MED27: variants seen among roughly 807,000 people sequenced by gnomAD.
MED27 encodes the protein mediator of RNA polymerase II transcription subunit 27.
Under a neutral mutation model 38.2 loss-of-function variants are expected in MED27, and 30 were observed. The observed-to-expected ratio is 0.79, with a 90% CI of 0.59 to 1.07. MED27 has a LOEUF of 1.07. Ranked by LOEUF, MED27 falls within the 50% of genes least tolerant of loss-of-function variation. The pLI is 0.00. For synonymous variants in MED27, 122 were observed against 153.5 expected, an observed-to-expected ratio of 0.79 and a Z score of 1.52; for missense variants, 289 against 397.5, an observed-to-expected ratio of 0.73 and a Z score of 2.32.
rs139409777 is a variant in MED27, at chr9:131,908,916, C to T, written c.574-14924G>A. Reference sequence around the variant, plus strand: ...AGAACTTTAATAAAAGAATGCCTAACGTCCTGGGAATGCAGCCCAGAAGGT... The same window carrying T: ...AGAACTTTAATAAAAGAATGCCTAATGTCCTGGGAATGCAGCCCAGAAGGT... On this transcript the variant is annotated intron_variant, in intron 4 of 7. Transcript: ENST00000292035. 5.7e-3 allele frequency among the ~76,000 whole-genome samples: 871 copies of T among 151,622 alleles called. 5 individuals are homozygous for T. The highest frequency in any genetic ancestry group is 9.3e-3 in the Non-Finnish European group (630 of 67,888).
chr9:132,010,549 T>C (rs1432724965), intron 3 of MED27, among the ~76,000 whole-genome samples: 1 of 152,218 alleles, frequency 6.6e-6, no homozygotes, highest in Non-Finnish European at 1.5e-5. Context: ...CCCAAAGGAT[T>C]ATAAGTCATG....
intron 3 of MED27, among the ~76,000 whole-genome samples, chr9:131,975,788 C>T (rs540466394): frequency 4.6e-5 from 7 of 152,316 alleles, no homozygotes; most frequent in South Asian, 2.1e-4. Context: ...CAGGAACCCA[C>T]TAAAACTAAG....
At chr9:132,007,828 G>A (rs947104992) in intron 3 of MED27, among the ~76,000 whole-genome samples, 3 of 151,938 alleles carry the variant, frequency 2.0e-5, no homozygotes, top group Non-Finnish European at 4.4e-5. Context: ...CTTGGAGCAC[G>A]AATAGCTCAC....
chr9:132,061,068 T>G (rs1362479446), intron 2 of MED27, among the ~76,000 whole-genome samples: 3 of 152,220 alleles, frequency 2.0e-5, no homozygotes, highest in Admixed American at 6.5e-5. Flanking sequence ...ACTAATGGAC[T>G]GATACAAGAG....
At chr9:132,033,104 T>C (rs1450210513) in intron 2 of MED27, among the ~76,000 whole-genome samples, 1 of 152,174 alleles carries the variant, frequency 6.6e-6, no homozygotes, top group Non-Finnish European at 1.5e-5. Flanking sequence ...TCTAAACATA[T>C]CACTCTATTA....
At chr9:131,932,534 T>C (rs957833055) in intron 4 of MED27, among the ~76,000 whole-genome samples, 7 of 152,088 alleles carry the variant, frequency 4.6e-5, no homozygotes, top group East Asian at 1.9e-4. Context: ...GATAAATTCA[T>C]AGACACATAC....
chr9:132,056,956 G>T (rs1833592142), intron 2 of MED27, among the ~76,000 whole-genome samples: 2 of 152,330 alleles, frequency 1.3e-5, no homozygotes, highest in Non-Finnish European at 2.9e-5. Flanking sequence ...ACACCCATCT[G>T]CAGACAGCAA....
chr9:131,879,317 G>T (rs189098321), intron 6 of MED27, among the ~76,000 whole-genome samples: 13 of 152,226 alleles, frequency 8.5e-5, no homozygotes, highest in African/African-American at 3.1e-4. Flanking sequence ...GGGCACGGGT[G>T]GGGGGCGTGG....
chr9:131,873,011 C>T (rs1272477020), intron 6 of MED27, among the ~76,000 whole-genome samples: 2 of 152,222 alleles, frequency 1.3e-5, no homozygotes, highest in African/African-American at 2.4e-5. Context: ...GGTGCCCAGG[C>T]AGTTCCCACG....
chr9:131,874,068 T>A (rs1838881986), intron 6 of MED27, among the ~76,000 whole-genome samples: 1 of 152,196 alleles, frequency 6.6e-6, no homozygotes, highest in African/African-American at 2.4e-5. Flanking sequence ...AAGGAGGCCT[T>A]GCGGACCTGG....
At chr9:132,070,549 C>T (rs954305558) in intron 2 of MED27, among the ~76,000 whole-genome samples, 3 of 152,120 alleles carry the variant, frequency 2.0e-5, no homozygotes, top group Non-Finnish European at 4.4e-5. Context: ...ACAGCAAGAC[C>T]CTGTCTCAAA....
intron 3 of MED27, among the ~76,000 whole-genome samples, chr9:131,983,390 T>TC (rs1564311664): frequency 1.3e-5 from 2 of 152,240 alleles, no homozygotes; most frequent in African/African-American, 4.8e-5. Context: ...AAGCAAACTT[T>TC]CTCAGTGTTT....
intron 4 of MED27, among the ~76,000 whole-genome samples, chr9:131,926,062 C>T (rs1367344590): frequency 6.6e-6 from 1 of 152,238 alleles, no homozygotes; most frequent in African/African-American, 2.4e-5. Flanking sequence ...CAACTTCTCC[C>T]TTTCTTCCCC....
At position 132,003,656 on chromosome 9, in the gene MED27, C is replaced by G. The variant is rs149309522; in HGVS notation, c.479+10681G>C. Among the ~76,000 whole-genome samples, 2 of 152,308 alleles carry G rather than the reference C, an allele frequency of 1.3e-5. No individual in the cohort carries two copies. The highest frequency in any genetic ancestry group is 2.9e-5 in the Non-Finnish European group (2 of 68,030). Reference sequence around the variant, plus strand: ...ATATCCACTCTGAGACTTCTACCCTCCCTGTGCTCATGAACAGTATCCCGC... The same window carrying G: ...ATATCCACTCTGAGACTTCTACCCTGCCTGTGCTCATGAACAGTATCCCGC... On this transcript the variant is annotated intron_variant, in intron 3 of 7. Transcript: ENST00000292035. The surrounding 1 kb of genome is among the most constrained non-coding windows in gnomAD (Gnocchi z 4.2).
chr9:132,004,409 A>T lies in MED27; in HGVS notation c.479+9928T>A, dbSNP rs529394155. 3.8e-4 allele frequency among the ~76,000 whole-genome samples: 58 copies of T among 152,260 alleles called. 1 individual carries two copies. The South Asian group carries it at 0.011, about 28-fold the overall frequency. On this transcript the variant is annotated intron_variant, in intron 3 of 7. Coordinates refer to ENST00000292035, the MANE Select transcript of MED27 (RefSeq NM_004269.4). ...GATAAAAGATAAGTAACATGAACCA[A>T]TTATCTTTTAAACAGTTACAAAGGA...
chr9:131,878,657 G>A (rs1838980814), intron 6 of MED27, among the ~76,000 whole-genome samples: 1 of 152,142 alleles, frequency 6.6e-6, no homozygotes, highest in Non-Finnish European at 1.5e-5. Context: ...CTGTCGGTCT[G>A]CTCTTACTCT....
intron 3 of MED27, among the ~76,000 whole-genome samples, chr9:131,954,602 T>G (rs1488370868): frequency 6.6e-6 from 1 of 152,150 alleles, no homozygotes; most frequent in African/African-American, 2.4e-5. Flanking sequence ...GCAGAAACTC[T>G]TTTATATTGT....
At chr9:132,055,381 C>A (rs1341182213) in intron 2 of MED27, among the ~76,000 whole-genome samples, 1 of 152,170 alleles carries the variant, frequency 6.6e-6, no homozygotes, top group Non-Finnish European at 1.5e-5. Context: ...CAGGCCTAAG[C>A]CCAGATGGAG....
At chr9:131,866,314 G>T (rs1172984928) in intron 6 of MED27, among the ~76,000 whole-genome samples, 1 of 152,160 alleles carries the variant, frequency 6.6e-6, no homozygotes, top group Non-Finnish European at 1.5e-5. Flanking sequence ...TAACTGCAAG[G>T]TGCTCTCTCC....
Sources: allele counts gnomAD v4.1 joint callset (sites outside exome capture counted in the v4.1 genomes callset), GRCh38; gene constraint gnomAD v4.1.1; non-coding constraint Gnocchi (gnomAD v3.1); transcripts MANE v1.5; gene names NCBI Gene and HGNC (gene_info 2026-07-23, HGNC 2026-07-21).